SEC14L5: variants seen among roughly 807,000 people sequenced by gnomAD.
SEC14L5 encodes SEC14-like protein 5.
Under a neutral mutation model 84.6 loss-of-function variants are expected in SEC14L5, and 96 were observed. The observed-to-expected ratio is 1.13, with a 90% CI of 0.96 to 1.34. The LOEUF is 1.34. Among genes scored for constraint, SEC14L5 ranks in the 40% most tolerant of loss-of-function variants. The pLI is 0.00. For missense variants in SEC14L5, 1,224 were observed against 942.5 expected (o/e 1.30, Z -3.91); for synonymous variants, 546 against 383.4 (o/e 1.42, Z -4.95).
At position 5,008,512 on chromosome 16, in the gene SEC14L5, A is replaced by T. The variant is rs781046862; in HGVS notation, c.1664A>T (p.Lys555Met). ...GDVVFSLYHT[K>M]QAPRLGAREP... ...GTGGTGTTCAGCCTGTACCACACCA[A>T]GCAGGCGCCCAGGCTGGGCGCCCGG... is the stretch of plus-strand genomic sequence containing the variant. Residue 555 changes from lysine to methionine, a missense_variant, in exon 14 of 16, where the codon AAG becomes ATG. Physicochemically the swap from Lys to Met is moderately conservative, Grantham distance 95. Coordinates refer to ENST00000251170, the MANE Select transcript of SEC14L5 (RefSeq NM_014692.2). 1 of 1,611,198 alleles carries T rather than the reference A, an allele frequency of 6.2e-7. No individual in the cohort carries two copies. The highest frequency in any genetic ancestry group is 8.5e-7 in the Non-Finnish European group (1 of 1,178,916).
rs932045307 is a variant in SEC14L5, at chr16:5,016,838, G to T, written c.*1868G>T. 1 of 152,174 alleles carries T rather than the reference G, an allele frequency of 6.6e-6. No homozygotes were observed. Among genetic ancestry groups the T allele is most frequent in the Non-Finnish European group, 1.5e-5 (1 of 68,036 alleles). 9.4% of individuals were successfully genotyped at this position (152,174 alleles called of 1,614,324 possible). A position where few individuals can be genotyped will look rare whatever the true frequency, so the allele number is the denominator to read the frequency against. On this transcript the variant is annotated 3_prime_UTR_variant, in exon 16 of 16. Coordinates refer to ENST00000251170, the MANE Select transcript of SEC14L5 (RefSeq NM_014692.2). ...AGAGAGCCTTGCCCACCTTCCTGTT[G>T]GCTCTCTGTCCGCTTCTCAGGTATC...
intron 2 of SEC14L5, among the ~76,000 whole-genome samples, chr16:4,970,692 G>A (rs926012327): frequency 2.0e-5 from 3 of 152,160 alleles, no homozygotes; most frequent in Non-Finnish European, 2.9e-5. Flanking sequence ...ACACATGGGT[G>A]GCACGGGCTG....
At chr16:5,001,263 T>TC (rs1327785360) in intron 10 of SEC14L5, among the ~76,000 whole-genome samples, 1 of 149,910 alleles carries the variant, frequency 6.7e-6, no homozygotes, top group African/African-American at 2.5e-5. Context: ...TTTTTTTTTT[T>TC]TTTTTTCTTT....
chr16:4,995,752 G>A (rs562173448), intron 6 of SEC14L5, among the ~76,000 whole-genome samples: 24 of 151,614 alleles, frequency 1.6e-4, no homozygotes, highest in African/African-American at 5.6e-4. Context: ...TCAGCCTCCT[G>A]AGTAGCTGGG....
intron 2 of SEC14L5, among the ~76,000 whole-genome samples, chr16:4,984,647 C>T (rs768237015): frequency 3.3e-5 from 5 of 152,152 alleles, no homozygotes; most frequent in Non-Finnish European, 7.4e-5. Context: ...ATTACATACA[C>T]GTGGGAGGGT....
At chr16:4,966,554 G>A (rs1000637477) in intron 2 of SEC14L5, among the ~76,000 whole-genome samples, 5 of 152,256 alleles carry the variant, frequency 3.3e-5, no homozygotes, top group African/African-American at 1.2e-4. Flanking sequence ...GATTACAGGC[G>A]TGAGCCACCG....
At chr16:5,013,480 G>C (rs72772002) in intron 15 of SEC14L5, among the ~76,000 whole-genome samples, 36,860 of 150,778 alleles carry the variant, frequency 0.24, 4,849 homozygotes, top group Admixed American at 0.34. Flanking sequence ...TTGAACTCCC[G>C]GGCTCAAGCA....
chr16:5,003,337 G>T, intron 10 of SEC14L5, 65 bp from the exon 11 acceptor site: 2 of 1,288,312 alleles, frequency 1.6e-6, no homozygotes, highest in Non-Finnish European at 2.2e-6. Flanking sequence ...ATCCCCTGTG[G>T]GGAGGGTGTT....
intron 2 of SEC14L5, among the ~76,000 whole-genome samples, chr16:4,982,402 C>G (rs918124024): frequency 6.6e-6 from 1 of 152,208 alleles, no homozygotes; most frequent in African/African-American, 2.4e-5. Context: ...GATACGCCCC[C>G]ACCACCCTGA....
chr16:4,981,521 G>A (rs535753696), intron 2 of SEC14L5, among the ~76,000 whole-genome samples: 3 of 152,166 alleles, frequency 2.0e-5, no homozygotes, highest in Non-Finnish European at 4.4e-5. Flanking sequence ...TGGTGTGGCC[G>A]CTGCCTGGCA....
rs1024757007 is a variant in SEC14L5 at position 5,016,723 on chromosome 16, C to G, written c.*1753C>G. ...TTATGCAGGCTCAGCAATGCAGGGC[C>G]AGGAAACTTATATCTACGCCAGCCT... is the stretch of plus-strand genomic sequence containing the variant. On this transcript the variant is annotated 3_prime_UTR_variant, in exon 16 of 16. Coordinates refer to ENST00000251170, the MANE Select transcript of SEC14L5 (RefSeq NM_014692.2). The G allele has an allele frequency of 6.6e-6, 1 of 152,190 alleles. No homozygotes were observed. Among genetic ancestry groups the G allele is most frequent in the Non-Finnish European group, 1.5e-5 (1 of 68,038 alleles). The allele number at this position is 152,190 out of a possible 1,614,324, so 9.4% of individuals were successfully genotyped here.
intron 2 of SEC14L5, among the ~76,000 whole-genome samples, chr16:4,983,318 C>T (rs1344146271): frequency 6.6e-6 from 1 of 151,280 alleles, no homozygotes; most frequent in Non-Finnish European, 1.5e-5. Context: ...ACAGCATGCC[C>T]ATATATTTAT....
At chr16:4,989,737 C>T (rs1207046929) in intron 4 of SEC14L5, among the ~76,000 whole-genome samples, 3 of 152,184 alleles carry the variant, frequency 2.0e-5, no homozygotes, top group Non-Finnish European at 4.4e-5. Context: ...GAGGGGCAAG[C>T]AACAGTTGTT....
chr16:4,984,137 C>G (rs1267995614), intron 2 of SEC14L5, among the ~76,000 whole-genome samples: 1 of 152,138 alleles, frequency 6.6e-6, no homozygotes, highest in Admixed American at 6.6e-5. Context: ...CTCATTACCT[C>G]GAAAAGAAGC....
intron 2 of SEC14L5, among the ~76,000 whole-genome samples, chr16:4,963,085 C>T (rs1955149362): frequency 6.6e-6 from 1 of 152,200 alleles, no homozygotes. Context: ...TTTAACAAAA[C>T]TGACTTCAGA....
chr16:4,999,711 C>T (rs1439072469), intron 8 of SEC14L5, among the ~76,000 whole-genome samples: 4 of 151,904 alleles, frequency 2.6e-5, no homozygotes, highest in South Asian at 2.1e-4. Context: ...GCCAGGGGTT[C>T]GAGACCAGCC....
intron 14 of SEC14L5, 127 bp from the exon 15 acceptor site, chr16:5,010,968 G>T (rs1447996104): frequency 1.4e-5 from 12 of 865,190 alleles, no homozygotes; most frequent in South Asian, 1.8e-5. Flanking sequence ...TGGTGGACTG[G>T]AGAAAGGGAC....
At chr16:4,979,664 C>T (rs905324217) in intron 2 of SEC14L5, among the ~76,000 whole-genome samples, 5 of 152,144 alleles carry the variant, frequency 3.3e-5, no homozygotes, top group South Asian at 2.1e-4. Context: ...TCTCCCGGGG[C>T]CTGGAGATGA....
chr16:4,965,227 G>C (rs1009034635), intron 2 of SEC14L5, among the ~76,000 whole-genome samples: 2 of 152,122 alleles, frequency 1.3e-5, no homozygotes, highest in Non-Finnish European at 2.9e-5. Flanking sequence ...ACTTCACTGT[G>C]TATGAATAGA....
Sources: allele counts gnomAD v4.1 joint callset (sites outside exome capture counted in the v4.1 genomes callset), GRCh38; gene constraint gnomAD v4.1.1; transcripts MANE v1.5; gene names NCBI Gene and HGNC (gene_info 2026-07-23, HGNC 2026-07-21).